The following SLC4A7 variants were observed in gnomAD, a reference collection of about 807,000 sequenced individuals.
The protein encoded by SLC4A7 is sodium bicarbonate cotransporter 3.
A neutral mutation model predicts 137.6 loss-of-function variants in SLC4A7; 51 were observed. The ratio of observed to expected loss-of-function variants is 0.37; its 90% CI spans 0.30 to 0.47. The LOEUF is 0.47. Ranked by LOEUF, SLC4A7 falls within the 20% of genes least tolerant of loss-of-function variation. The pLI is 1.00. For missense variants in SLC4A7, 1,247 were observed against 1,525.4 expected (o/e 0.82, Z 3.04); for synonymous variants, 542 against 518.6 (o/e 1.05, Z -0.61).
At chr3:27,424,483 T>C (rs2055339971) in intron 7 of SLC4A7, 1 of 174,062 alleles carries the variant, frequency 5.7e-6, no homozygotes, top group Non-Finnish European at 1.2e-5. Flanking sequence ...TTAGGGAATA[T>C]ACTTTTAATT....
At chr3:27,391,397 T>C (rs3816881) in intron 21 of SLC4A7, among the ~76,000 whole-genome samples, 32,221 of 152,192 alleles carry the variant, frequency 0.21, 3,507 homozygotes, top group Non-Finnish European at 0.25. Flanking sequence ...GCTATTTTTA[T>C]AGGAAACTAA....
chr3:27,450,378 A>ATTT (rs2057988461), intron 2 of SLC4A7, among the ~76,000 whole-genome samples: 1 of 152,172 alleles, frequency 6.6e-6, no homozygotes, highest in African/African-American at 2.4e-5. Context: ...TTGGTTGCAT[A>ATTT]ATATAGTGAA....
At chr3:27,476,471 G>T (rs1199118447) in intron 1 of SLC4A7, among the ~76,000 whole-genome samples, 1 of 152,120 alleles carries the variant, frequency 6.6e-6, no homozygotes, top group Non-Finnish European at 1.5e-5. Flanking sequence ...CAACTAACTA[G>T]CAGTATATTC....
Position 27,385,887 on chromosome 3 carries a change from T to C in SLC4A7, c.3492+5A>G. 6.5e-7 allele frequency: 1 copy of C among 1,535,128 alleles called. No homozygotes were observed. The highest frequency in any genetic ancestry group is 8.9e-7 in the Non-Finnish European group (1 of 1,117,950). On this transcript the variant is annotated splice_donor_5th_base_variant and intron_variant, in intron 23 of 25. Transcript: ENST00000454389. ...GGTGTAAGTTTAAAATTGTTATCTT[T>C]TTACCTCTTTCTCTTTTTTCTTTTT...
intron 6 of SLC4A7, among the ~76,000 whole-genome samples, chr3:27,432,118 T>C (rs1023267752): frequency 7.2e-5 from 11 of 152,156 alleles, no homozygotes; most frequent in African/African-American, 2.7e-4. Flanking sequence ...CAGACAATTA[T>C]CTCTTAGAGA....
chr3:27,466,019 T>C (rs1446647750), intron 1 of SLC4A7, among the ~76,000 whole-genome samples: 1 of 150,834 alleles, frequency 6.6e-6, no homozygotes, highest in Admixed American at 6.6e-5. Flanking sequence ...TAAGAAAGCA[T>C]ATGTAGTATC....
Position 27,394,541 on chromosome 3 carries a change from C to T in SLC4A7, c.3094G>A (p.Val1032Met). 6.2e-7 allele frequency: 1 copy of T among 1,614,082 alleles called. No homozygotes were observed. The highest frequency in any genetic ancestry group is 8.5e-7 in the Non-Finnish European group (1 of 1,179,944). The change falls in exon 20 of 26, where the codon GTG becomes ATG. Residue 1032 changes from valine to methionine, a missense_variant. By Grantham distance (21) the Val-to-Met change is conservative (BLOSUM62 1). Coordinates refer to ENST00000454389, the MANE Select transcript of SLC4A7 (RefSeq NM_001321103.2). ...ACCTTTAGGACTGAAGTCATGAACACAGAGAGGCCCATTAGAATAAAAATC... is the reference window on the plus strand; with the variant it reads ...ACCTTTAGGACTGAAGTCATGAACATAGAGAGGCCCATTAGAATAAAAATC... ...LMIFILMGLS[V>M]FMTSVLKFIP...
intron 1 of SLC4A7, among the ~76,000 whole-genome samples, chr3:27,459,839 T>A (rs1421238882): frequency 1.3e-5 from 2 of 151,988 alleles, no homozygotes; most frequent in Non-Finnish European, 2.9e-5. Flanking sequence ...GTTGCCATTA[T>A]AACTTTAAAT....
At chr3:27,451,357 C>T (rs952708410) in intron 2 of SLC4A7, among the ~76,000 whole-genome samples, 1 of 151,916 alleles carries the variant, frequency 6.6e-6, no homozygotes, top group Non-Finnish European at 1.5e-5. Context: ...CCTTAAACAC[C>T]ACTTTAACCA....
At chr3:27,406,750 C>A (rs1425376923) in intron 13 of SLC4A7, among the ~76,000 whole-genome samples, 1 of 151,858 alleles carries the variant, frequency 6.6e-6, no homozygotes, top group Non-Finnish European at 1.5e-5. Context: ...GGCAACATGG[C>A]AAAAGCTGGT....
chr3:27,467,856 T>A (rs2059073785), intron 1 of SLC4A7, among the ~76,000 whole-genome samples: 1 of 152,228 alleles, frequency 6.6e-6, no homozygotes, highest in Non-Finnish European at 1.5e-5. Flanking sequence ...TTTGAAAAAC[T>A]TCTCTAGCAG....
intron 2 of SLC4A7, among the ~76,000 whole-genome samples, chr3:27,449,103 T>C (rs918899136): frequency 6.6e-6 from 1 of 152,106 alleles, no homozygotes; most frequent in Non-Finnish European, 1.5e-5. Flanking sequence ...GGTTTCACCA[T>C]GTTGGTCAGG....
At chr3:27,463,191 G>GTCAA in intron 1 of SLC4A7, among the ~76,000 whole-genome samples, 1 of 152,346 alleles carries the variant, frequency 6.6e-6, no homozygotes, top group African/African-American at 2.4e-5. Context: ...ACTTTGGGAG[G>GTCAA]TCAAGGAGGG....
At chr3:27,408,534 A>G (rs2053600877) in intron 13 of SLC4A7, among the ~76,000 whole-genome samples, 1 of 152,240 alleles carries the variant, frequency 6.6e-6, no homozygotes, top group Admixed American at 6.5e-5. Flanking sequence ...TTCGATAATT[A>G]TCATGCCTTA....
intron 3 of SLC4A7, among the ~76,000 whole-genome samples, chr3:27,447,314 A>C (rs182071680): frequency 4.7e-4 from 72 of 152,290 alleles, no homozygotes; most frequent in Non-Finnish European, 7.9e-4. Flanking sequence ...AAGATGGTTA[A>C]ACATAAGACC....
In SLC4A7 at chr3:27,403,330, A is replaced by T; in HGVS notation, c.2130T>A (p.Ser710=). The change falls in exon 15 of 26, where the codon TCT becomes TCA. Residue 710 remains serine, a synonymous_variant. Coordinates refer to ENST00000454389, the MANE Select transcript of SLC4A7 (RefSeq NM_001321103.2). ...TTGCAACCAAAACAATGCACAAAAA[A>T]GAAGTCCACAGACCAATACTGGTTC... ...SLRTSIGLWT[S]FLCIVLVATD... 1 of 1,612,522 alleles carries T rather than the reference A, an allele frequency of 6.2e-7. No individual in the cohort carries two copies.
intron 6 of SLC4A7, among the ~76,000 whole-genome samples, chr3:27,432,818 G>A (rs1396977835): frequency 6.6e-6 from 1 of 152,132 alleles, no homozygotes; most frequent in African/African-American, 2.4e-5. Flanking sequence ...ACTGAATAGG[G>A]TCCCTCTGGA....
At chr3:27,391,319 G>C (rs556768084) in intron 21 of SLC4A7, among the ~76,000 whole-genome samples, 30 of 152,020 alleles carry the variant, frequency 2.0e-4, no homozygotes, top group Non-Finnish European at 4.1e-4. Flanking sequence ...TTAATGTTTT[G>C]AGGATCACAA....
At chr3:27,482,697 G>A (rs763426227) in intron 1 of SLC4A7, among the ~76,000 whole-genome samples, 2 of 152,036 alleles carry the variant, frequency 1.3e-5, no homozygotes, top group African/African-American at 2.4e-5. Context: ...GGTTGAACCT[G>A]GGAGGAGGAG....
Sources: allele counts gnomAD v4.1 joint callset (sites outside exome capture counted in the v4.1 genomes callset), GRCh38; gene constraint gnomAD v4.1.1; transcripts MANE v1.5; gene names NCBI Gene and HGNC (gene_info 2026-07-23, HGNC 2026-07-21).